Variants in INSL6 observed in about 807,000 individuals in gnomAD.
INSL6 encodes insulin-like peptide INSL6.
A neutral mutation model predicts 9.4 loss-of-function variants in INSL6; 16 were observed. The ratio of observed to expected loss-of-function variants is 1.70; its 90% confidence interval spans 1.15 to 2.59. The LOEUF (loss-of-function observed/expected upper bound fraction) is 2.59, where lower values mean the gene tolerates loss of function less well. Ranked by LOEUF, INSL6 falls within the 30% of genes most tolerant of loss-of-function variation. The pLI, the probability that INSL6 is intolerant of heterozygous loss-of-function variation, is 0.00. For missense variants in INSL6, 391 were observed against 257.3 expected (o/e 1.52, Z -3.56); for synonymous variants, 154 against 96.9 (o/e 1.59, Z -3.46).
chr9:5,118,013 T>C, the INSL6 span, among the ~76,000 whole-genome samples: 1 of 152,244 alleles, frequency 6.6e-6, no homozygotes, highest in Admixed American at 6.5e-5. Flanking sequence ...AGTTATAATG[T>C]ATTTTCTAAA....
chr9:5,020,402 G>A, the INSL6 span, among the ~76,000 whole-genome samples: 1 of 152,176 alleles, frequency 6.6e-6, no homozygotes, highest in African/African-American at 2.4e-5. Context: ...AGTATCCTCA[G>A]GCCCTCCAGT....
chr9:5,124,872 T>G (rs943855083), intron 3 of INSL6, among the ~76,000 whole-genome samples: 7 of 151,606 alleles, frequency 4.6e-5, no homozygotes, highest in Non-Finnish European at 1.0e-4. Context: ...CTTTAGAGCT[T>G]TTATTGCTTA....
chr9:5,180,763 C>G (rs1825434407), intron 1 of INSL6, among the ~76,000 whole-genome samples: 2 of 152,150 alleles, frequency 1.3e-5, no homozygotes. Flanking sequence ...ATCAGTAGTT[C>G]TGCTTTTGCC....
chr9:5,029,235 G>A, the INSL6 span, among the ~76,000 whole-genome samples: 1 of 152,150 alleles, frequency 6.6e-6, no homozygotes, highest in Non-Finnish European at 1.5e-5. Context: ...AGAGGCCTAA[G>A]GAGAGGGAGA....
At chr9:5,082,487 T>C in the INSL6 span, among the ~76,000 whole-genome samples, 1,447 of 152,368 alleles carry the variant, frequency 9.5e-3, 12 homozygotes, top group Middle Eastern at 0.017. Context: ...AATGAACAAA[T>C]GTATAATTGG....
the INSL6 span, chr9:5,109,717 T>A: frequency 6.6e-6 from 1 of 152,190 alleles, no homozygotes. Flanking sequence ...AAACTCTCAC[T>A]AAGCTTTAGA....
intron 2 of INSL6, among the ~76,000 whole-genome samples, chr9:5,154,043 G>A (rs1002189120): frequency 2.0e-5 from 3 of 152,164 alleles, no homozygotes; most frequent in African/African-American, 7.2e-5. Flanking sequence ...GAACAAAGCT[G>A]GAGGCATCAC....
chr9:5,075,603 C>G, the INSL6 span, among the ~76,000 whole-genome samples: 1 of 151,920 alleles, frequency 6.6e-6, no homozygotes, highest in Non-Finnish European at 1.5e-5. Context: ...ATTGTTGAGA[C>G]CTGCTCAGAA....
At chr9:5,052,090 T>A in the INSL6 span, among the ~76,000 whole-genome samples, 2 of 152,068 alleles carry the variant, frequency 1.3e-5, no homozygotes, top group South Asian at 4.2e-4. Flanking sequence ...ACTGAAGGAA[T>A]TCAGGGGAAC....
chr9:5,125,307 CCTT>C (rs1226274119), intron 3 of INSL6, among the ~76,000 whole-genome samples: 6 of 150,916 alleles, frequency 4.0e-5, no homozygotes, highest in Non-Finnish European at 7.4e-5. Flanking sequence ...AGTTTGCTCT[CCTT>C]CTGTTTCATG....
chr9:5,054,590 T>A, the INSL6 span: 1 of 1,597,396 alleles, frequency 6.3e-7, no homozygotes, highest in South Asian at 1.1e-5. This position sits in a 1 kb window ranked among gnomAD's most constrained non-coding sequence, Gnocchi z 4.9. Context: ...CAAAATGTAT[T>A]CGAGCAAAGA....
chr9:5,013,908 C>A, the INSL6 span, among the ~76,000 whole-genome samples: 1 of 151,998 alleles, frequency 6.6e-6, no homozygotes, highest in Admixed American at 6.6e-5. Flanking sequence ...ATTCATTTGT[C>A]ATGTAAGTAG....
intron 1 of INSL6, among the ~76,000 whole-genome samples, chr9:5,175,086 C>G (rs759033481): frequency 6.6e-6 from 1 of 152,116 alleles, no homozygotes; most frequent in African/African-American, 2.4e-5. Context: ...ACTACAGGTG[C>G]CCACCACCAC....
In INSL6 at chr9:5,185,623, C is replaced by T. The variant is rs768322949; in HGVS notation, c.-21G>A. 18 of 1,602,414 alleles carry T rather than the reference C, an allele frequency of 1.1e-5. No individual in the cohort carries two copies. The highest frequency in any genetic ancestry group is 1.3e-5 in the African/African-American group (1 of 74,762). On this transcript the variant is annotated 5_prime_UTR_variant, in exon 1 of 2. Transcript: ENST00000381641. Reference sequence around the variant, plus strand: ...GGCATCCCTGTGACCCCAGGCTAGTCCTCCGCGTTGTGCAATGGCGGTCGG... The same window carrying T: ...GGCATCCCTGTGACCCCAGGCTAGTTCTCCGCGTTGTGCAATGGCGGTCGG...
chr9:5,034,532 A>G, the INSL6 span, among the ~76,000 whole-genome samples: 20 of 152,190 alleles, frequency 1.3e-4, 1 homozygote, highest in East Asian at 3.7e-3. Context: ...AATTATAACA[A>G]ACTGTCTCTC....
intron 2 of INSL6, among the ~76,000 whole-genome samples, chr9:5,144,606 C>T (rs12337904): frequency 6.6e-6 from 1 of 151,882 alleles, no homozygotes; most frequent in Non-Finnish European, 1.5e-5. Context: ...TATTGTGTGG[C>T]GGTCTAAGTC....
the INSL6 span, among the ~76,000 whole-genome samples, chr9:5,115,918 G>A: frequency 6.6e-6 from 1 of 152,148 alleles, no homozygotes; most frequent in Non-Finnish European, 1.5e-5. Flanking sequence ...TGGGTGGAGG[G>A]CTAGGGGAGG....
chr9:5,087,936 CAAT>C, the INSL6 span, among the ~76,000 whole-genome samples: 1 of 152,052 alleles, frequency 6.6e-6, no homozygotes, highest in East Asian at 1.9e-4. Flanking sequence ...TGACAATATA[CAAT>C]AATTAAAAAT....
At chr9:5,012,505 G>A in the INSL6 span, among the ~76,000 whole-genome samples, 2 of 151,980 alleles carry the variant, frequency 1.3e-5, no homozygotes, top group Non-Finnish European at 2.9e-5. Flanking sequence ...TTGGTGTTTG[G>A]GGCAGAAGGG....
Sources: gnomAD v4.1 joint callset for allele counts (sites outside exome capture counted in the v4.1 genomes callset) on GRCh38, gnomAD v4.1.1 for gene constraint, Gnocchi (gnomAD v3.1) non-coding constraint, MANE v1.5 for transcripts, NCBI Gene and HGNC (gene_info 2026-07-23, HGNC 2026-07-21) for gene names.